Variants in COBLL1 observed in about 807,000 individuals in gnomAD.
The protein encoded by COBLL1 is cordon-bleu WH2 repeat protein like 1, also known as cordon-bleu protein-like 1.
In COBLL1, 50 loss-of-function variants were observed where a neutral mutation model predicts 94.8. That is an observed-to-expected ratio of 0.53 (90% CI 0.42 to 0.67). The LOEUF (loss-of-function observed/expected upper bound fraction) is 0.67, where lower values mean the gene tolerates loss of function less well. COBLL1 is among the 30% of genes least tolerant of loss of function. The pLI is 0.00. For missense variants in COBLL1, 1,362 were observed against 1,348.7 expected, an observed-to-expected ratio of 1.01 and a Z score of -0.15; for synonymous variants, 448 against 473.8, an observed-to-expected ratio of 0.95 and a Z score of 0.71.
At chr2:164,730,483 G>A (rs1365644110) in intron 3 of COBLL1, among the ~76,000 whole-genome samples, 1 of 151,610 alleles carries the variant, frequency 6.6e-6, no homozygotes, top group Admixed American at 6.6e-5. Flanking sequence ...GGGCAACAGA[G>A]CAAGACCCTG....
downstream of COBLL1, among the ~76,000 whole-genome samples, chr2:164,678,595 T>C (rs191949904): frequency 7.9e-5 from 12 of 152,150 alleles, no homozygotes; most frequent in Non-Finnish European, 1.3e-4. Flanking sequence ...AAAATATTGA[T>C]GCATTCAATT....
chr2:164,722,493 T>C lies in COBLL1; in HGVS notation c.691A>G (p.Ile231Val). ...CCTTTATTTTCTTTCTCCTTCATAA[T>C]ATCTAGGTTTTGTGATATTTGGCAG... ...ESCQISQNLD[I>V]MKEKENKGFF... Residue 231 changes from isoleucine to valine, a missense_variant, in exon 6 of 14, where the codon ATT becomes GTT. By Grantham distance (29) the Ile-to-Val change is conservative. Transcript: ENST00000652658. 2.0e-6 allele frequency: 3 copies of C among 1,518,616 alleles called. No homozygotes were observed. The highest frequency in any genetic ancestry group is 2.6e-6 in the Non-Finnish European group (3 of 1,135,368). 94.1% of individuals were successfully genotyped at this position (1,518,616 alleles called of 1,614,324 possible). A position where few individuals can be genotyped will look rare whatever the true frequency, so the allele number is the denominator to read the frequency against.
Position 164,774,651 on chromosome 2 carries a change from GCAC to G in COBLL1, c.42-30779_42-30777del, listed in dbSNP as rs139612374. On this transcript the variant is annotated intron_variant, in intron 2 of 13. Coordinates refer to ENST00000652658, the MANE Select transcript of COBLL1 (RefSeq NM_001365672.2). ...CAAAATATCACAAGAACTGTGACTG[GCAC>G]TTGCTTTCTAGCCTTGACTGTCTCT... Among the ~76,000 whole-genome samples, 53 of 152,248 alleles carry G rather than the reference GCAC, an allele frequency of 3.5e-4. 1 individual carries two copies. In the East Asian group the frequency reaches 8.7e-3, roughly 25 times the overall value.
intron 1 of COBLL1, among the ~76,000 whole-genome samples, chr2:164,674,261 G>A (rs760462995): frequency 4.6e-4 from 70 of 152,150 alleles, no homozygotes; most frequent in Admixed American, 2.2e-3. Flanking sequence ...GGGTTTCACC[G>A]TGTTGGCCAG....
At chr2:164,737,787 A>T (rs1462995820) in intron 3 of COBLL1, among the ~76,000 whole-genome samples, 2 of 151,978 alleles carry the variant, frequency 1.3e-5, no homozygotes, top group Non-Finnish European at 2.9e-5. Context: ...ACTTTTTCCC[A>T]ATAGGTGGCG....
At chr2:164,797,889 G>A (rs1028035262) in intron 2 of COBLL1, among the ~76,000 whole-genome samples, 3 of 152,090 alleles carry the variant, frequency 2.0e-5, no homozygotes, top group Admixed American at 6.6e-5. Context: ...TTCCGTTTTA[G>A]GGAAAACCAG....
chr2:164,723,172 C>T (rs1382346671), intron 5 of COBLL1: 1 of 152,148 alleles, frequency 6.6e-6, no homozygotes, highest in African/African-American at 2.4e-5. Context: ...CCAAACATAG[C>T]ACATTGCAAA....
Position 164,695,712 on chromosome 2 carries a change from C to G in COBLL1, c.1680G>C (p.Glu560Asp), listed in dbSNP as rs116305649. The change falls in exon 12 of 14, where the codon GAG becomes GAC. Residue 560 changes from glutamate (E) to aspartate (D), a missense_variant. Physicochemically the swap from Glu to Asp is conservative, Grantham distance 45. Coordinates refer to ENST00000652658, the MANE Select transcript of COBLL1 (RefSeq NM_001365672.2). The stretch of plus-strand genomic sequence containing the variant: ...CATGTGCCTCAGAGTTTGATGGTCT[C>G]TCAACTTCCATATCAATGTTGTTAT... ...AKNNNIDMEV[E>D]RPSNSEAHET... 1.1e-4 allele frequency: 173 copies of G among 1,613,818 alleles called. No individual in the cohort carries two copies. The African/African-American group carries it at 2.0e-3, about 18-fold the overall frequency.
At position 164,685,828 on chromosome 2, in the gene COBLL1, T is replaced by G. The variant is rs1683248203; in HGVS notation, c.*118A>C. On this transcript the variant is annotated 3_prime_UTR_variant, in exon 14 of 14. Transcript: ENST00000652658. Reference sequence around the variant, plus strand: ...GCATTAAAAGCCACAACACAAATTCTAATATTTTAATAGATAATATATTAG... The same window carrying G: ...GCATTAAAAGCCACAACACAAATTCGAATATTTTAATAGATAATATATTAG... 3 of 427,558 alleles carry G rather than the reference T, an allele frequency of 7.0e-6. No individual in the cohort carries two copies. Among genetic ancestry groups the G allele is most frequent in the Non-Finnish European group, 1.3e-5 (3 of 236,918 alleles). The allele number at this position is 427,558 out of a possible 1,614,324, so 26.5% of individuals were successfully genotyped here.
intron 2 of COBLL1, among the ~76,000 whole-genome samples, chr2:164,828,372 A>G (rs1348625385): frequency 1.3e-5 from 2 of 152,354 alleles, no homozygotes. Context: ...GGTTATTAAA[A>G]TGACAACTCA....
downstream of COBLL1, among the ~76,000 whole-genome samples, chr2:164,678,046 A>G (rs1691367263): frequency 6.6e-6 from 1 of 152,150 alleles, no homozygotes; most frequent in Non-Finnish European, 1.5e-5. Context: ...CGTGTTTGCT[A>G]GTTAGACACA....
intron 2 of COBLL1, among the ~76,000 whole-genome samples, chr2:164,746,780 TC>T (rs1344391594): frequency 6.6e-6 from 1 of 151,958 alleles, no homozygotes; most frequent in Admixed American, 6.6e-5. Flanking sequence ...TAACACTTTC[TC>T]CCTAGGATCA....
In COBLL1 at chr2:164,728,083, C is replaced by T; in HGVS notation, c.547G>A (p.Asp183Asn). The T allele has an allele frequency of 6.2e-7, 1 of 1,613,726 alleles. No individual in the cohort carries two copies. Residue 183 changes from aspartate to asparagine, a missense_variant, in exon 5 of 14, where the codon GAT becomes AAT. Coordinates refer to ENST00000652658, the MANE Select transcript of COBLL1 (RefSeq NM_001365672.2). ...APIICSKCEFDPLHTLLLKDY... is the reference protein window; with the variant it reads ...APIICSKCEFNPLHTLLLKDY... ...TTCAACAATAGTGTATGCAACGGAT[C>T]AAACTCACATTTGCTACATATAATA...
At chr2:164,755,374 T>G (rs1687346686) in intron 2 of COBLL1, among the ~76,000 whole-genome samples, 1 of 152,138 alleles carries the variant, frequency 6.6e-6, no homozygotes, top group Non-Finnish European at 1.5e-5. Flanking sequence ...ATTAACATAA[T>G]TTTGCCATTT....
chr2:164,660,022 C>T (rs1691044779), intron 2 of COBLL1, among the ~76,000 whole-genome samples: 1 of 152,146 alleles, frequency 6.6e-6, no homozygotes, highest in Non-Finnish European at 1.5e-5. Context: ...CTGCAGAATA[C>T]AGTTTATGTT....
At chr2:164,830,130 T>C (rs749549565) in intron 2 of COBLL1, among the ~76,000 whole-genome samples, 5 of 152,240 alleles carry the variant, frequency 3.3e-5, no homozygotes, top group African/African-American at 4.8e-5. Context: ...ATCATTTCAC[T>C]GTACTACTCA....
At chr2:164,801,054 C>G (rs1223116879) in intron 2 of COBLL1, among the ~76,000 whole-genome samples, 1 of 152,242 alleles carries the variant, frequency 6.6e-6, no homozygotes, top group Non-Finnish European at 1.5e-5. Flanking sequence ...AATCCCAACT[C>G]TGGGAAAATA....
At chr2:164,837,415 A>G (rs767656970) in intron 2 of COBLL1, 15 of 458,550 alleles carry the variant, frequency 3.3e-5, no homozygotes, top group South Asian at 2.5e-4. Context: ...TCCACGTTAG[A>G]GAAGGAAATT....
Position 164,695,182 on chromosome 2 carries a change from A to G in COBLL1, c.2210T>C (p.Val737Ala), listed in dbSNP as rs1367759423. 3 of 1,613,798 alleles carry G rather than the reference A, an allele frequency of 1.9e-6. No homozygotes were observed. In the African/African-American group the frequency reaches 4.0e-5, roughly 22 times the overall value. The change falls in exon 12 of 14, where the codon GTG becomes GCG. Residue 737 changes from valine to alanine, a missense_variant. By Grantham distance (64) the Val-to-Ala change is moderately conservative. Transcript: ENST00000652658. ...CGATATTTCCAAGGATTTGGGAGGCACTATTTTATAAGTAGTCATGCCAAT... is the reference window on the plus strand; with the variant it reads ...CGATATTTCCAAGGATTTGGGAGGCGCTATTTTATAAGTAGTCATGCCAAT... ...PKIGMTTYKI[V>A]PPKSLEISKD...
Sources: gnomAD v4.1 joint callset for allele counts (sites outside exome capture counted in the v4.1 genomes callset) on GRCh38, gnomAD v4.1.1 for gene constraint, MANE v1.5 for transcripts, NCBI Gene and HGNC (gene_info 2026-07-23, HGNC 2026-07-21) for gene names.